STPG2: variants seen among roughly 807,000 people sequenced by gnomAD.
STPG2 encodes the protein sperm tail PG-rich repeat containing 2.
STPG2 carries 56 observed loss-of-function variants against 54.2 expected under a neutral mutation model. The ratio of observed to expected loss-of-function variants is 1.03; its 90% CI spans 0.83 to 1.29. The LOEUF is 1.29. STPG2 is among the 50% of genes most tolerant of loss of function. STPG2 has a pLI of 0.00. For missense variants in STPG2, 596 were observed against 544.9 expected, an observed-to-expected ratio of 1.09 and a Z score of -0.93; for synonymous variants, 200 against 181.8, an observed-to-expected ratio of 1.10 and a Z score of -0.81.
intron 4 of STPG2, among the ~76,000 whole-genome samples, chr4:97,552,997 C>T (rs1023826270): frequency 1.3e-5 from 2 of 152,144 alleles, no homozygotes; most frequent in African/African-American, 4.8e-5. Context: ...TAATAACTTG[C>T]AATCACAAGA....
intron 8 of STPG2, among the ~76,000 whole-genome samples, chr4:97,938,616 G>C (rs1732852067): frequency 6.6e-6 from 1 of 152,174 alleles, no homozygotes; most frequent in African/African-American, 2.4e-5. Flanking sequence ...GGGATCTTCT[G>C]ATCTGTGGGT....
At chr4:97,995,600 A>C (rs78152218) in intron 5 of STPG2, among the ~76,000 whole-genome samples, 8,990 of 152,238 alleles carry the variant, frequency 0.059, 366 homozygotes, top group South Asian at 0.096. Context: ...TTGGGAAAAG[A>C]CTAGCACACC....
intron 3 of STPG2, among the ~76,000 whole-genome samples, chr4:98,126,760 G>A (rs1038989635): frequency 3.3e-5 from 5 of 151,938 alleles, no homozygotes; most frequent in South Asian, 2.1e-4. Context: ...GTAAAGAGGC[G>A]TCATATCCAA....
At chr4:97,559,659 AG>A (rs1428702047) in intron 10 of STPG2, among the ~76,000 whole-genome samples, 1 of 152,202 alleles carries the variant, frequency 6.6e-6, no homozygotes, top group African/African-American at 2.4e-5. Flanking sequence ...TCTGATTTCC[AG>A]AACATTAGTT....
At chr4:98,082,363 T>A (rs1738372450) in intron 5 of STPG2, among the ~76,000 whole-genome samples, 1 of 150,506 alleles carries the variant, frequency 6.6e-6, no homozygotes, top group African/African-American at 2.4e-5. Context: ...CTGCAGCATT[T>A]CTTATCTGGA....
At chr4:97,958,220 G>C (rs745763771) in intron 7 of STPG2, among the ~76,000 whole-genome samples, 1 of 151,932 alleles carries the variant, frequency 6.6e-6, no homozygotes, top group Admixed American at 6.6e-5. Flanking sequence ...TGAGGCACAA[G>C]AATTGCTTGA....
At chr4:97,644,470 A>AT (rs980056838) in intron 10 of STPG2, among the ~76,000 whole-genome samples, 5 of 152,008 alleles carry the variant, frequency 3.3e-5, no homozygotes, top group African/African-American at 1.2e-4. Context: ...CAAATGGATC[A>AT]TTTTTTGTGA....
At chr4:97,564,791 G>T (rs1252366918) in intron 10 of STPG2, among the ~76,000 whole-genome samples, 1 of 152,182 alleles carries the variant, frequency 6.6e-6, no homozygotes, top group Non-Finnish European at 1.5e-5. Flanking sequence ...TAGAGTTTCT[G>T]CCGAGAGATC....
intron 4 of STPG2, among the ~76,000 whole-genome samples, chr4:97,535,023 T>C (rs1731497189): frequency 6.6e-6 from 1 of 152,228 alleles, no homozygotes; most frequent in South Asian, 2.1e-4. Context: ...CATTCACTGG[T>C]TGAAGAAAAT....
chr4:97,708,044 T>C (rs1242211011), intron 10 of STPG2, among the ~76,000 whole-genome samples: 5 of 152,126 alleles, frequency 3.3e-5, no homozygotes, highest in African/African-American at 1.2e-4. Flanking sequence ...GGTCTGACTT[T>C]CTACTCTCTT....
At chr4:97,858,139 T>C (rs185858352) in intron 8 of STPG2, among the ~76,000 whole-genome samples, 4 of 152,258 alleles carry the variant, frequency 2.6e-5, no homozygotes, top group Admixed American at 1.3e-4. Flanking sequence ...ATAAAAGTGA[T>C]AATGTCAGAG....
At chr4:97,508,728 A>C (rs1446511654) in intron 4 of STPG2, among the ~76,000 whole-genome samples, 1 of 152,082 alleles carries the variant, frequency 6.6e-6, no homozygotes, top group Non-Finnish European at 1.5e-5. Flanking sequence ...TGAACAAAAA[A>C]TAATTTTTAT....
chr4:97,765,241 C>T (rs1206151894), intron 9 of STPG2, among the ~76,000 whole-genome samples: 1 of 152,132 alleles, frequency 6.6e-6, no homozygotes, highest in Non-Finnish European at 1.5e-5. Context: ...CTCAGAACTG[C>T]TCAGAACACT....
At chr4:97,491,159 A>G (rs1233118465) in intron 4 of STPG2, among the ~76,000 whole-genome samples, 2 of 151,568 alleles carry the variant, frequency 1.3e-5, no homozygotes, top group East Asian at 2.0e-4. Context: ...AAGTTACTCC[A>G]AATCCATACT....
At chr4:97,907,125 C>T (rs976168071) in intron 8 of STPG2, among the ~76,000 whole-genome samples, 1 of 152,092 alleles carries the variant, frequency 6.6e-6, no homozygotes, top group African/African-American at 2.4e-5. Context: ...ACCCCATTAT[C>T]TCAGCCCAAA....
chr4:97,836,759 A>T (rs980787857), intron 9 of STPG2, among the ~76,000 whole-genome samples: 7 of 151,386 alleles, frequency 4.6e-5, no homozygotes, highest in African/African-American at 1.7e-4. Flanking sequence ...AATGTCTTAT[A>T]CTTGAAATGA....
At chr4:97,746,171 ATTACT>A (rs1461345147) in intron 9 of STPG2, among the ~76,000 whole-genome samples, 2 of 151,372 alleles carry the variant, frequency 1.3e-5, no homozygotes, top group South Asian at 2.1e-4. Context: ...AGACAGTATA[ATTACT>A]TTATTGCTAA....
chr4:97,833,579 A>G (rs1043827676), intron 9 of STPG2, among the ~76,000 whole-genome samples: 3 of 152,182 alleles, frequency 2.0e-5, no homozygotes, highest in Non-Finnish European at 4.4e-5. Context: ...AAACTACAGA[A>G]TGGGAGAATA....
intron 5 of STPG2, among the ~76,000 whole-genome samples, chr4:98,061,900 G>A (rs1411548146): frequency 1.3e-5 from 2 of 152,156 alleles, no homozygotes; most frequent in Non-Finnish European, 2.9e-5. Context: ...ATTGCTCAAA[G>A]AGCTAAAAGC....
Sources: allele counts gnomAD v4.1 joint callset (sites outside exome capture counted in the v4.1 genomes callset), GRCh38; gene constraint gnomAD v4.1.1; transcripts MANE v1.5; gene names NCBI Gene and HGNC (gene_info 2026-07-23, HGNC 2026-07-21).